MFAP5: variants seen among roughly 807,000 people sequenced by gnomAD.
MFAP5 encodes the protein microfibrillar-associated protein 5.
Under a neutral mutation model 30.1 loss-of-function variants are expected in MFAP5, and 19 were observed. The observed-to-expected ratio is 0.63, with a 90% CI of 0.44 to 0.93. The LOEUF (loss-of-function observed/expected upper bound fraction) is 0.93. MFAP5 is among the 40% of genes least tolerant of loss of function. The pLI is 0.00. For missense variants in MFAP5, 210 were observed against 221.3 expected, an observed-to-expected ratio of 0.95 and a Z score of 0.32; for synonymous variants, 92 against 72.9, an observed-to-expected ratio of 1.26 and a Z score of -1.33.
intron 6 of MFAP5, among the ~76,000 whole-genome samples, chr12:8,652,816 T>C (rs1941873491): frequency 2.0e-5 from 3 of 152,202 alleles, no homozygotes; most frequent in Admixed American, 2.0e-4. Flanking sequence ...TCCAACAGAC[T>C]TAATTATCTT....
chr12:8,661,860 G>T (rs2136485323), intron 2 of MFAP5, among the ~76,000 whole-genome samples, 187 bp downstream of exon 2: 1 of 152,298 alleles, frequency 6.6e-6, no homozygotes, highest in Non-Finnish European at 1.5e-5. Flanking sequence ...CCCCTAGTCT[G>T]AAGTCTAGTC....
rs1941728034 is a variant in MFAP5 at position 8,647,982 on chromosome 12, G to T, written c.*109C>A. On this transcript the variant is annotated 3_prime_UTR_variant, in exon 10 of 10. Coordinates refer to ENST00000359478, the MANE Select transcript of MFAP5 (RefSeq NM_003480.4). Reference sequence around the variant, plus strand: ...GGGTAAAAGCTGGACATTGCAAAAGGATTGGTTTAAGAAATACTGTCTAAG... The same window carrying T: ...GGGTAAAAGCTGGACATTGCAAAAGTATTGGTTTAAGAAATACTGTCTAAG... 1.4e-6 allele frequency: 1 copy of T among 731,060 alleles called. No homozygotes were observed. Among genetic ancestry groups the T allele is most frequent in the Non-Finnish European group, 2.2e-6 (1 of 452,380 alleles). The allele number at this position is 731,060 out of a possible 1,614,324, so 45.3% of individuals were successfully genotyped here.
chr12:8,653,192 CA>C (rs71451973), intron 6 of MFAP5, among the ~76,000 whole-genome samples: 537 of 110,860 alleles, frequency 4.8e-3, no homozygotes, highest in Middle Eastern at 9.3e-3. Context: ...GACTCTGTGT[CA>C]AAAAAAAAAA....
chr12:8,657,440 T>C (rs1299517042), intron 3 of MFAP5, among the ~76,000 whole-genome samples: 1 of 151,626 alleles, frequency 6.6e-6, no homozygotes, highest in Non-Finnish European at 1.5e-5. Context: ...AATAAAATAA[T>C]AGTAATAACA....
chr12:8,661,858 C>G (rs781281457), intron 2 of MFAP5, among the ~76,000 whole-genome samples, 189 bp downstream of exon 2: 16 of 152,188 alleles, frequency 1.1e-4, no homozygotes, highest in Non-Finnish European at 1.9e-4. Context: ...TTCCCCTAGT[C>G]TGAAGTCTAG....
rs1243598434 is a variant in MFAP5, at chr12:8,647,563, T to C, written c.*528A>G. The C allele has an allele frequency of 1.3e-5, 2 of 152,318 alleles. No individual in the cohort carries two copies. Among genetic ancestry groups the C allele is most frequent in the Non-Finnish European group, 2.9e-5 (2 of 68,144 alleles). 9.4% of individuals were successfully genotyped at this position (152,318 alleles called of 1,614,324 possible). A position where few individuals can be genotyped will look rare whatever the true frequency, so the allele number is the denominator to read the frequency against. On this transcript the variant is annotated 3_prime_UTR_variant, in exon 10 of 10. Coordinates refer to ENST00000359478, the MANE Select transcript of MFAP5 (RefSeq NM_003480.4). ...CTACAAAACTTACCATGATGTGTCTTATAAGGAAGACTTGCCAGGCAAATT... is the reference window on the plus strand; with the variant it reads ...CTACAAAACTTACCATGATGTGTCTCATAAGGAAGACTTGCCAGGCAAATT...
At chr12:8,650,107 G>T (rs757702321) in intron 8 of MFAP5, among the ~76,000 whole-genome samples, 12 of 152,158 alleles carry the variant, frequency 7.9e-5, no homozygotes, top group Non-Finnish European at 1.0e-4. Flanking sequence ...AAAGGCCATT[G>T]TTTTAGTTAT....
Position 8,646,716 on chromosome 12 carries a change from C to A in MFAP5, c.*1375G>T, listed in dbSNP as rs1941690523. The A allele has an allele frequency of 6.6e-6, 1 of 152,084 alleles. No homozygotes were observed. Among genetic ancestry groups the A allele is most frequent in the African/African-American group, 2.4e-5 (1 of 41,400 alleles). 9.4% of individuals were successfully genotyped at this position (152,084 alleles called of 1,614,324 possible). On this transcript the variant is annotated 3_prime_UTR_variant, in exon 10 of 10. Transcript: ENST00000359478. ...ATGGCGCCATCTCGGCTCACTGCAA[C>A]CTCTGCCTCCCAGGTTCAATTGATT...
At chr12:8,660,781 G>A in intron 3 of MFAP5, 82 bp downstream of exon 3, 1 of 1,065,516 alleles carries the variant, frequency 9.4e-7, no homozygotes, top group Non-Finnish European at 1.4e-6. Flanking sequence ...CGATAGATAA[G>A]CAGGAAGGAT....
chr12:8,652,078 T>C (rs1226537591), intron 6 of MFAP5, among the ~76,000 whole-genome samples: 2 of 152,168 alleles, frequency 1.3e-5, no homozygotes, highest in Non-Finnish European at 2.9e-5. Flanking sequence ...CTCTTCCTTA[T>C]AAGAGAAAAT....
chr12:8,662,378 G>A lies in MFAP5; in HGVS notation c.-3+249C>T, dbSNP rs57047982. Reference sequence around the variant, plus strand: ...GGAAATTTTACATTCTACATGGTCCGTACTTGGCCCTACCCTTTGGCCTCT... The same window carrying A: ...GGAAATTTTACATTCTACATGGTCCATACTTGGCCCTACCCTTTGGCCTCT... On this transcript the variant is annotated intron_variant, in intron 1 of 9. Transcript: ENST00000359478. 2,032 of 410,436 alleles carry A rather than the reference G, an allele frequency of 5.0e-3. 26 individuals carry two copies. Among genetic ancestry groups the A allele is most frequent in the African/African-American group, 0.04 (1,926 of 48,162 alleles). 25.4% of individuals were successfully genotyped at this position (410,436 alleles called of 1,614,324 possible).
At chr12:8,661,042 C>T (rs1942135980) in intron 2 of MFAP5, 144 bp from the exon 3 acceptor site, 2 of 590,642 alleles carry the variant, frequency 3.4e-6, no homozygotes, top group Non-Finnish European at 5.7e-6. Flanking sequence ...TATAAAATTA[C>T]TGAGACCATT....
In MFAP5 at chr12:8,662,052, GTGA is replaced by G. The variant is rs748925552; in HGVS notation, c.50_52del (p.Ile17del). 1 of 1,613,798 alleles carries G rather than the reference GTGA, an allele frequency of 6.2e-7. No individual in the cohort carries two copies. Among genetic ancestry groups the G allele is most frequent in the South Asian group, 1.1e-5 (1 of 90,990 alleles). ...GCAAAGAATAAAGGACTCACCAGAG[GTGA>G]TGATGAATGCAGCAAGAAACAGCAG... On this transcript the variant is annotated inframe_deletion, in exon 2 of 10. Transcript: ENST00000359478.
Position 8,655,404 on chromosome 12 carries a change from G to A in MFAP5, c.172+11C>T. 6.3e-7 allele frequency: 1 copy of A among 1,591,386 alleles called. No homozygotes were observed. Among genetic ancestry groups the A allele is most frequent in the Non-Finnish European group, 8.6e-7 (1 of 1,169,296 alleles). Reference sequence around the variant, plus strand: ...CCATGCCATTTTTTTTTTAACTGCGGTAAAATTTACCTGTTTCATCTGTAG... The same window carrying A: ...CCATGCCATTTTTTTTTTAACTGCGATAAAATTTACCTGTTTCATCTGTAG... On this transcript the variant is annotated intron_variant, in intron 5 of 9. Coordinates refer to ENST00000359478, the MANE Select transcript of MFAP5 (RefSeq NM_003480.4).
intron 8 of MFAP5, among the ~76,000 whole-genome samples, chr12:8,650,117 T>A (rs1211590104): frequency 6.6e-6 from 1 of 152,230 alleles, no homozygotes; most frequent in Non-Finnish European, 1.5e-5. Context: ...GTTTTAGTTA[T>A]TCTTCTTAGT....
chr12:8,660,629 T>C (rs73244431), intron 3 of MFAP5, among the ~76,000 whole-genome samples: 2,071 of 152,218 alleles, frequency 0.014, 36 homozygotes, highest in African/African-American at 0.04. Context: ...GGTGTTTCAG[T>C]AGTTTAAAAA....
chr12:8,657,390 G>C (rs891415731), intron 3 of MFAP5, among the ~76,000 whole-genome samples: 1 of 151,852 alleles, frequency 6.6e-6, no homozygotes, highest in Non-Finnish European at 1.5e-5. Context: ...TTGCACTCCA[G>C]CCTGGGTGAT....
intron 2 of MFAP5, 100 bp from the exon 3 acceptor site, chr12:8,660,998 C>T: frequency 3.8e-6 from 4 of 1,039,650 alleles, no homozygotes; most frequent in Non-Finnish European, 5.8e-6. Flanking sequence ...AATGGTTATA[C>T]TTTATCTTTG....
rs770619503 is a variant in MFAP5, at chr12:8,649,558, T to C, written c.352A>G (p.Ile118Val). The change falls in exon 9 of 10, where the codon ATC becomes GTC. Residue 118 changes from isoleucine to valine, a missense_variant. By Grantham distance (29) the Ile-to-Val change is conservative. Transcript: ENST00000359478. ...LCFTSLRRMY[I>V]VNKEICSRLV... ...CGAGAGCAGATCTCCTTGTTGACGA[T>C]GTACATACGTCGTAAACTGCAGACG... is the stretch of plus-strand genomic sequence containing the variant. 5 of 1,613,920 alleles carry C rather than the reference T, an allele frequency of 3.1e-6. No individual in the cohort carries two copies. Among genetic ancestry groups the C allele is most frequent in the African/African-American group, 1.3e-5 (1 of 75,034 alleles).
Sources: gnomAD v4.1 joint callset for allele counts (sites outside exome capture counted in the v4.1 genomes callset) on GRCh38, gnomAD v4.1.1 for gene constraint, MANE v1.5 for transcripts, NCBI Gene and HGNC (gene_info 2026-07-23, HGNC 2026-07-21) for gene names.